The following TMOD3 variants were observed in gnomAD, a reference collection of about 807,000 sequenced individuals.
TMOD3 encodes the protein tropomodulin 3.
TMOD3 carries 20 observed loss-of-function variants against 39.2 expected under a neutral mutation model. The observed-to-expected ratio is 0.51, with a 90% CI of 0.36 to 0.74. TMOD3 has a LOEUF of 0.74. Ranked by LOEUF, TMOD3 falls within the 30% of genes least tolerant of loss-of-function variation. TMOD3 has a pLI of 0.00. For synonymous variants in TMOD3, 143 were observed against 145.8 expected (o/e 0.98, Z 0.14); for missense variants, 381 against 412.8 (o/e 0.92, Z 0.67).
At chr15:51,882,754 C>A (rs914348644) in intron 3 of TMOD3, among the ~76,000 whole-genome samples, 4 of 151,976 alleles carry the variant, frequency 2.6e-5, no homozygotes, top group African/African-American at 4.8e-5. Flanking sequence ...GTAAGTCTTA[C>A]AACTGTGTTC....
At chr15:51,899,115 C>G (rs190765241) in intron 7 of TMOD3, 1 of 152,360 alleles carries the variant, frequency 6.6e-6, no homozygotes, top group Non-Finnish European at 1.5e-5. Context: ...TCTGCCTTGA[C>G]CATTTCTTTT....
intron 6 of TMOD3, among the ~76,000 whole-genome samples, chr15:51,895,647 G>A (rs1233560637): frequency 3.3e-5 from 5 of 152,142 alleles, no homozygotes; most frequent in Admixed American, 6.5e-5. Context: ...AGCATCTTCA[G>A]TATTTTCTCT....
rs760015903 is a variant in TMOD3 at position 51,909,604 on chromosome 15, C to G, written c.*794C>G. 29 of 152,258 alleles carry G rather than the reference C, an allele frequency of 1.9e-4. No homozygotes were observed. The highest frequency in any genetic ancestry group is 3.9e-4 in the East Asian group (2 of 5,194). The allele number at this position is 152,258 out of a possible 1,614,324, so 9.4% of individuals were successfully genotyped here. On this transcript the variant is annotated 3_prime_UTR_variant, in exon 10 of 10. Transcript: ENST00000308580. ...TTTTCACCACCTCCCTCCCCACCCCCCAAAAAAGGCGTACAGCCAACTCTT... is the reference window on the plus strand; with the variant it reads ...TTTTCACCACCTCCCTCCCCACCCCGCAAAAAAGGCGTACAGCCAACTCTT...
chr15:51,882,157 C>T (rs112547176), intron 3 of TMOD3, among the ~76,000 whole-genome samples: 7,041 of 151,874 alleles, frequency 0.046, 358 homozygotes, highest in African/African-American at 0.11. Flanking sequence ...CGCCTCCCAA[C>T]GTGCTGGGAT....
chr15:51,844,066 CA>C (rs1221883569), intron 1 of TMOD3, among the ~76,000 whole-genome samples: 3 of 151,974 alleles, frequency 2.0e-5, no homozygotes, highest in Admixed American at 2.0e-4. Context: ...CAAACTGCAA[CA>C]AATGATTGAA....
At chr15:51,872,160 C>T (rs927744367) in intron 3 of TMOD3, among the ~76,000 whole-genome samples, 4 of 152,228 alleles carry the variant, frequency 2.6e-5, no homozygotes, top group African/African-American at 7.2e-5. Context: ...TTTGGGAGGC[C>T]GAGGCAGGCG....
At chr15:51,888,972 A>C in intron 4 of TMOD3, 84 bp from the exon 5 acceptor site, 1 of 800,850 alleles carries the variant, frequency 1.2e-6, no homozygotes, top group South Asian at 1.6e-5. Context: ...GGTCCAGAGG[A>C]TATTAAAATT....
At chr15:51,902,267 T>G (rs569672578) in intron 9 of TMOD3, among the ~76,000 whole-genome samples, 11 of 152,330 alleles carry the variant, frequency 7.2e-5, no homozygotes, top group African/African-American at 2.2e-4. Flanking sequence ...TTCATAGTTT[T>G]AAGTGACCAG....
intron 1 of TMOD3, among the ~76,000 whole-genome samples, chr15:51,844,283 G>A (rs1033338226): frequency 3.3e-5 from 5 of 152,118 alleles, no homozygotes; most frequent in Non-Finnish European, 5.9e-5. Context: ...GGACCTTGGA[G>A]GTCTTTTGTT....
At chr15:51,882,737 G>A (rs955771935) in intron 3 of TMOD3, among the ~76,000 whole-genome samples, 1 of 151,910 alleles carries the variant, frequency 6.6e-6, no homozygotes, top group Non-Finnish European at 1.5e-5. Context: ...TTTTAACATT[G>A]GGAAGTGTAA....
chr15:51,902,252 C>T (rs1001386361), intron 9 of TMOD3, among the ~76,000 whole-genome samples: 5 of 152,016 alleles, frequency 3.3e-5, no homozygotes, highest in Non-Finnish European at 5.9e-5. Flanking sequence ...CTGTGACAAG[C>T]GTATTTCATA....
intron 1 of TMOD3, among the ~76,000 whole-genome samples, chr15:51,857,513 C>T (rs1245090346): frequency 6.6e-6 from 1 of 152,174 alleles, no homozygotes; most frequent in Non-Finnish European, 1.5e-5. Context: ...TGGCATATAG[C>T]ATTGCCTGCC....
At chr15:51,831,325 C>G (rs1206535142) in intron 1 of TMOD3, among the ~76,000 whole-genome samples, 8 of 152,180 alleles carry the variant, frequency 5.3e-5, no homozygotes. Flanking sequence ...AAATCCCATT[C>G]AAAGATTTTT....
At chr15:51,830,846 T>C (rs2056251451) in intron 1 of TMOD3, among the ~76,000 whole-genome samples, 1 of 152,220 alleles carries the variant, frequency 6.6e-6, no homozygotes, top group African/African-American at 2.4e-5. Flanking sequence ...CTCTTGCTAG[T>C]TTCTTCTTCC....
chr15:51,887,748 G>T (rs2056572503), intron 4 of TMOD3, 37 bp downstream of exon 4: 1 of 1,611,840 alleles, frequency 6.2e-7, no homozygotes, highest in African/African-American at 1.3e-5. Flanking sequence ...GAATAAGTGT[G>T]GGGTGGAGTG....
intron 3 of TMOD3, 79 bp from the exon 4 acceptor site, chr15:51,887,510 C>T: frequency 6.9e-7 from 1 of 1,440,806 alleles, no homozygotes; most frequent in East Asian, 2.4e-5. Flanking sequence ...TTCAGTTGTA[C>T]ATGCTTTGGT....
intron 3 of TMOD3, among the ~76,000 whole-genome samples, chr15:51,883,394 T>C (rs1193064542): frequency 6.6e-6 from 1 of 152,230 alleles, no homozygotes; most frequent in Non-Finnish European, 1.5e-5. Context: ...ATTTTTATGA[T>C]GCTTTAGATT....
At chr15:51,888,883 T>C (rs1289150187) in intron 4 of TMOD3, among the ~76,000 whole-genome samples, 173 bp from the exon 5 acceptor site, 2 of 152,074 alleles carry the variant, frequency 1.3e-5, no homozygotes, top group East Asian at 3.8e-4. Context: ...AATAAGAGTA[T>C]TGAGGAGAAT....
chr15:51,879,856 T>TCA (rs68117829), intron 3 of TMOD3, among the ~76,000 whole-genome samples: 29,818 of 142,500 alleles, frequency 0.21, 3,040 homozygotes, highest in Middle Eastern at 0.29. Context: ...TCTCTGTCTT[T>TCA]CACACACACA....
Sources: gnomAD v4.1 joint callset for allele counts (sites outside exome capture counted in the v4.1 genomes callset) on GRCh38, gnomAD v4.1.1 for gene constraint, MANE v1.5 for transcripts, NCBI Gene and HGNC (gene_info 2026-07-23, HGNC 2026-07-21) for gene names.